The following THSD7A variants were observed in gnomAD, a reference collection of about 807,000 sequenced individuals.
THSD7A encodes the protein thrombospondin type-1 domain-containing protein 7A.
In THSD7A, 96 loss-of-function variants were observed where a neutral mutation model predicts 231.3. That is an observed-to-expected ratio of 0.41 (90% CI 0.35 to 0.49). THSD7A has a LOEUF of 0.49. Among genes scored for constraint, THSD7A ranks in the 20% least tolerant of loss-of-function variants. The pLI is 0.05. For synonymous variants in THSD7A, 940 were observed against 743.3 expected, an observed-to-expected ratio of 1.26 and a Z score of -4.30; for missense variants, 2,290 against 2,070.2, an observed-to-expected ratio of 1.11 and a Z score of -2.06.
intron 6 of THSD7A, among the ~76,000 whole-genome samples, chr7:11,514,281 C>A (rs1787936784): frequency 1.3e-5 from 2 of 152,200 alleles, no homozygotes; most frequent in South Asian, 4.1e-4. Flanking sequence ...TTCTCTTCTA[C>A]AATGTAAGGT....
At chr7:11,609,221 C>G (rs922299972) in intron 2 of THSD7A, among the ~76,000 whole-genome samples, 1 of 152,060 alleles carries the variant, frequency 6.6e-6, no homozygotes, top group Non-Finnish European at 1.5e-5. Flanking sequence ...TTACAGCTTC[C>G]CCAGCTTCTC....
At chr7:11,667,614 T>C (rs1338099760) in intron 1 of THSD7A, among the ~76,000 whole-genome samples, 1 of 152,126 alleles carries the variant, frequency 6.6e-6, no homozygotes, top group Non-Finnish European at 1.5e-5. Context: ...ATGACCACAT[T>C]ACAAAAATAG....
chr7:11,675,706 C>A (rs368512016), intron 1 of THSD7A, among the ~76,000 whole-genome samples: 4 of 152,194 alleles, frequency 2.6e-5, no homozygotes, highest in Non-Finnish European at 4.4e-5. Flanking sequence ...AGCCAGACTG[C>A]CTCTCTAGAA....
rs993141863 is a variant in THSD7A at position 11,377,651 on chromosome 7, C to A, written c.4802-994G>T. Reference sequence around the variant, plus strand: ...ATATCCTTTCTTTCTAATCCTAAAGCTTTCATTTTTTAAATTTGAGCTCAG... The same window carrying A: ...ATATCCTTTCTTTCTAATCCTAAAGATTTCATTTTTTAAATTTGAGCTCAG... On this transcript the variant is annotated intron_variant, in intron 26 of 27. Coordinates refer to ENST00000423059, the MANE Select transcript of THSD7A (RefSeq NM_015204.3). The surrounding 1 kb of genome is among the most constrained non-coding windows in gnomAD (Gnocchi z 4.5). Among the ~76,000 whole-genome samples, 54 of 152,118 alleles carry A rather than the reference C, an allele frequency of 3.5e-4. No homozygotes were observed. The highest frequency in any genetic ancestry group is 1.2e-3 in the African/African-American group (51 of 41,536).
chr7:11,530,010 C>T (rs141738193), intron 6 of THSD7A, among the ~76,000 whole-genome samples: 4 of 152,098 alleles, frequency 2.6e-5, no homozygotes, highest in African/African-American at 9.7e-5. Context: ...GAAAAGGAAA[C>T]GTAGTCACTG....
At chr7:11,597,680 T>C (rs181423489) in intron 2 of THSD7A, among the ~76,000 whole-genome samples, 285 of 152,338 alleles carry the variant, frequency 1.9e-3, no homozygotes, top group Middle Eastern at 3.4e-3. Context: ...ATTGAACGTT[T>C]GATTATACGT....
chr7:11,620,773 C>A (rs1781279339), intron 2 of THSD7A, among the ~76,000 whole-genome samples: 1 of 152,206 alleles, frequency 6.6e-6, no homozygotes, highest in African/African-American at 2.4e-5. Flanking sequence ...CGAAGCACTT[C>A]ATTTGCCCCC....
intron 1 of THSD7A, among the ~76,000 whole-genome samples, chr7:11,697,965 A>G (rs1385927486): frequency 6.6e-6 from 1 of 151,370 alleles, no homozygotes; most frequent in Non-Finnish European, 1.5e-5. Flanking sequence ...TTCTTCAACT[A>G]TATGTTAGTC....
At chr7:11,548,210 C>A (rs757927276) in intron 4 of THSD7A, among the ~76,000 whole-genome samples, 1 of 151,982 alleles carries the variant, frequency 6.6e-6, no homozygotes, top group Non-Finnish European at 1.5e-5. Flanking sequence ...ACAAAATACC[C>A]TCAGAGACTA....
chr7:11,519,304 G>A (rs953250708), intron 6 of THSD7A, among the ~76,000 whole-genome samples: 2 of 144,552 alleles, frequency 1.4e-5, no homozygotes, highest in Admixed American at 6.8e-5. Flanking sequence ...CTTCCTACAG[G>A]CAACCACTAT....
At chr7:11,639,562 G>A (rs967318205) in intron 1 of THSD7A, among the ~76,000 whole-genome samples, 5 of 152,188 alleles carry the variant, frequency 3.3e-5, no homozygotes, top group East Asian at 3.9e-4. Context: ...TAGCTACTCG[G>A]GAGGCTGAGG....
chr7:11,688,114 T>C (rs919587503), intron 1 of THSD7A, among the ~76,000 whole-genome samples: 3 of 130,720 alleles, frequency 2.3e-5, no homozygotes, highest in Non-Finnish European at 3.1e-5. Flanking sequence ...CCTGTGTCCA[T>C]GTGTTCTCAT....
At chr7:11,554,245 G>T (rs1308048075) in intron 4 of THSD7A, among the ~76,000 whole-genome samples, 3 of 152,012 alleles carry the variant, frequency 2.0e-5, no homozygotes, top group Non-Finnish European at 4.4e-5. Context: ...GGATTAAGGT[G>T]AGCCCTAAAT....
chr7:11,766,096 T>A (rs551846360), intron 1 of THSD7A, among the ~76,000 whole-genome samples: 8 of 152,278 alleles, frequency 5.3e-5, no homozygotes, highest in African/African-American at 1.9e-4. Flanking sequence ...GGGCAGTGAA[T>A]TTTAAAAGCT....
chr7:11,766,510 A>T (rs1783033496), intron 1 of THSD7A, among the ~76,000 whole-genome samples: 1 of 152,202 alleles, frequency 6.6e-6, no homozygotes, highest in Admixed American at 6.5e-5. Flanking sequence ...TTTCAGAAAT[A>T]ACTCTATTGG....
intron 6 of THSD7A, among the ~76,000 whole-genome samples, chr7:11,540,946 T>A (rs1789120347): frequency 6.6e-6 from 1 of 152,084 alleles, no homozygotes; most frequent in Non-Finnish European, 1.5e-5. Context: ...ATTGGGAGCC[T>A]GGAAATTAAA....
At chr7:11,589,716 C>T (rs1202930371) in intron 4 of THSD7A, among the ~76,000 whole-genome samples, 1 of 152,162 alleles carries the variant, frequency 6.6e-6, no homozygotes, top group African/African-American at 2.4e-5. Flanking sequence ...AGACTGCTTA[C>T]AGTACTGCTT....
intron 6 of THSD7A, among the ~76,000 whole-genome samples, chr7:11,507,926 G>C (rs569542481): frequency 3.9e-5 from 6 of 152,294 alleles, no homozygotes; most frequent in African/African-American, 1.4e-4. Context: ...ACAAAGGAAA[G>C]AGGTTTAATT....
At chr7:11,574,559 C>T (rs1343193657) in intron 4 of THSD7A, among the ~76,000 whole-genome samples, 1 of 151,536 alleles carries the variant, frequency 6.6e-6, no homozygotes, top group African/African-American at 2.4e-5. Flanking sequence ...CTCAGCCTCC[C>T]GAGTAGCTGG....
Sources: gnomAD v4.1 joint callset for allele counts (sites outside exome capture counted in the v4.1 genomes callset) on GRCh38, gnomAD v4.1.1 for gene constraint, Gnocchi (gnomAD v3.1) non-coding constraint, MANE v1.5 for transcripts, NCBI Gene and HGNC (gene_info 2026-07-23, HGNC 2026-07-21) for gene names.